The following PLEKHG1 variants were observed in gnomAD, a reference collection of about 807,000 sequenced individuals.
PLEKHG1 encodes pleckstrin homology and RhoGEF domain containing G1.
Under a neutral mutation model 100.8 loss-of-function variants are expected in PLEKHG1, and 44 were observed. That is an observed-to-expected ratio of 0.44 (90% confidence interval 0.34 to 0.56). PLEKHG1 has a LOEUF of 0.56. Ranked by LOEUF, PLEKHG1 falls within the 20% of genes least tolerant of loss-of-function variation. The probability of loss-of-function intolerance (pLI) is 0.01; values close to 1 mark genes in which losing one functional copy is unlikely to be tolerated. For missense variants in PLEKHG1, 1,545 were observed against 1,720.9 expected (o/e 0.90, Z 1.81); for synonymous variants, 640 against 662.5 (o/e 0.97, Z 0.52).
At chr6:150,705,861 A>G (rs1214689288) in intron 3 of PLEKHG1, among the ~76,000 whole-genome samples, 1 of 152,194 alleles carries the variant, frequency 6.6e-6, no homozygotes, top group Non-Finnish European at 1.5e-5. Flanking sequence ...AGAAATAAAC[A>G]CTGGGATGGC....
intron 2 of PLEKHG1, among the ~76,000 whole-genome samples, chr6:150,762,205 T>TC (rs1037925039): frequency 6.6e-6 from 1 of 151,586 alleles, no homozygotes; most frequent in African/African-American, 2.4e-5. Context: ...CTTTTTCTTT[T>TC]TTTTTTTTGA....
chr6:150,797,153 GTTA>G (rs1786386094), intron 5 of PLEKHG1, among the ~76,000 whole-genome samples: 1 of 152,012 alleles, frequency 6.6e-6, no homozygotes, highest in South Asian at 2.1e-4. Flanking sequence ...CAGACTTTGA[GTTA>G]TCTTAAGGAC....
intron 3 of PLEKHG1, among the ~76,000 whole-genome samples, chr6:150,665,636 T>TAAAAAC: frequency 8.1e-6 from 1 of 123,544 alleles, no homozygotes; most frequent in Admixed American, 8.4e-5. Context: ...TCTCAAAAAA[T>TAAAAAC]AAAAATAAAA....
chr6:150,674,788 T>G (rs1293422245), intron 3 of PLEKHG1, among the ~76,000 whole-genome samples: 1 of 152,112 alleles, frequency 6.6e-6, no homozygotes, highest in East Asian at 1.9e-4. Context: ...ATTCAAGAGA[T>G]TCTCCTGCCT....
In PLEKHG1 at chr6:150,635,093, T is replaced by C. The variant is rs558784659; in HGVS notation, c.-203-2987T>C. On this transcript the variant is annotated intron_variant, in intron 1 of 3. Transcript: ENST00000367326. ...AGGAAATGAAAATGAGGGACAGATATGGTTCCTACCCTTCACGGGCTTATC... is the reference window on the plus strand; with the variant it reads ...AGGAAATGAAAATGAGGGACAGATACGGTTCCTACCCTTCACGGGCTTATC... Among the ~76,000 whole-genome samples the C allele has an allele frequency of 4.6e-5, 7 of 152,332 alleles. No individual in the cohort carries two copies. The South Asian group carries it at 1.2e-3, about 27-fold the overall frequency.
intron 2 of PLEKHG1, among the ~76,000 whole-genome samples, chr6:150,639,400 G>A (rs1778154668): frequency 2.0e-5 from 3 of 151,902 alleles, no homozygotes; most frequent in African/African-American, 7.3e-5. Flanking sequence ...TCATTTTTTT[G>A]TGTTTGGAAT....
At chr6:150,681,270 C>G (rs949629255) in intron 3 of PLEKHG1, among the ~76,000 whole-genome samples, 1 of 151,970 alleles carries the variant, frequency 6.6e-6, no homozygotes, top group Non-Finnish European at 1.5e-5. Flanking sequence ...GCCTGTAATC[C>G]CAGCACTTCG....
At chr6:150,797,791 C>T (rs985688242) in intron 5 of PLEKHG1, among the ~76,000 whole-genome samples, 5 of 123,888 alleles carry the variant, frequency 4.0e-5, no homozygotes, top group Non-Finnish European at 6.3e-5. Flanking sequence ...ACTGAGATAG[C>T]ACCACTGCAC....
At chr6:150,628,420 C>T (rs1167277095) in intron 1 of PLEKHG1, among the ~76,000 whole-genome samples, 6 of 151,988 alleles carry the variant, frequency 3.9e-5, no homozygotes, top group Non-Finnish European at 8.8e-5. Flanking sequence ...GGCAGCATTC[C>T]ACACATAGGA....
intron 3 of PLEKHG1, among the ~76,000 whole-genome samples, chr6:150,784,014 G>C (rs1171345977): frequency 1.3e-5 from 2 of 152,116 alleles, no homozygotes; most frequent in African/African-American, 4.8e-5. Flanking sequence ...ACGTCATGTA[G>C]CCTCTGGAAA....
rs11961263 is a variant in PLEKHG1 at position 150,769,636 on chromosome 6, G to A, written c.512+898G>A. ...AAAAGAAAAAGAAAAACATAAGTTC[G>A]TAGACTGGTTAACAGCACAGAAGCT... On this transcript the variant is annotated intron_variant, in intron 3 of 15. Coordinates refer to ENST00000358517, the Ensembl canonical transcript of PLEKHG1. 1.5e-3 allele frequency among the ~76,000 whole-genome samples: 220 copies of A among 150,886 alleles called. No homozygotes were observed. In the Middle Eastern group the frequency reaches 0.024, roughly 17 times the overall value.
intron 2 of PLEKHG1, among the ~76,000 whole-genome samples, chr6:150,759,783 T>C (rs576059627): frequency 1.6e-3 from 246 of 152,128 alleles, no homozygotes; most frequent in Non-Finnish European, 3.0e-3. Flanking sequence ...GGTGGGAGGA[T>C]CACTTGAGGT....
At chr6:150,712,159 C>A (rs1781265408) in intron 3 of PLEKHG1, among the ~76,000 whole-genome samples, 1 of 152,122 alleles carries the variant, frequency 6.6e-6, no homozygotes, top group Non-Finnish European at 1.5e-5. Flanking sequence ...GGATCGGGGA[C>A]AACATAGAGT....
intron 5 of PLEKHG1, among the ~76,000 whole-genome samples, chr6:150,798,376 ATAAT>A (rs1308846837): frequency 2.6e-5 from 4 of 152,258 alleles, no homozygotes; most frequent in Non-Finnish European, 5.9e-5. Flanking sequence ...ATTTAAAGAA[ATAAT>A]TCTTAAACTT....
chr6:150,836,402 T>C, intron 15 of PLEKHG1, among the ~76,000 whole-genome samples: 1 of 151,132 alleles, frequency 6.6e-6, no homozygotes. Flanking sequence ...ATAAGTAAAA[T>C]AAAGAAGGGA....
At chr6:150,640,448 A>C (rs1053693627) in intron 2 of PLEKHG1, among the ~76,000 whole-genome samples, 1 of 152,144 alleles carries the variant, frequency 6.6e-6, no homozygotes, top group African/African-American at 2.4e-5. Context: ...CATCTTAATT[A>C]ACACTGGTCC....
intron 15 of PLEKHG1, among the ~76,000 whole-genome samples, 162 bp downstream of exon 16, chr6:150,832,367 T>C (rs896451247): frequency 5.9e-5 from 9 of 152,220 alleles, no homozygotes; most frequent in African/African-American, 1.9e-4. Flanking sequence ...CTTTCTCACA[T>C]CGCCTCCTGT....
intron 3 of PLEKHG1, among the ~76,000 whole-genome samples, chr6:150,671,679 T>C (rs931843523): frequency 2.0e-5 from 3 of 152,180 alleles, no homozygotes; most frequent in South Asian, 4.1e-4. Flanking sequence ...TTATTTTAAA[T>C]TGTGGTCAGT....
chr6:150,625,322 G>A (rs1013901642), intron 1 of PLEKHG1, among the ~76,000 whole-genome samples: 5 of 151,980 alleles, frequency 3.3e-5, no homozygotes, highest in Admixed American at 6.6e-5. Context: ...TTGTTTCTTC[G>A]CAGGGTTGTT....
Sources: gnomAD v4.1 joint callset for allele counts (sites outside exome capture counted in the v4.1 genomes callset) on GRCh38, gnomAD v4.1.1 for gene constraint, MANE v1.5 for transcripts, NCBI Gene and HGNC (gene_info 2026-07-23, HGNC 2026-07-21) for gene names.